Variants in GPHN observed in about 807,000 individuals in gnomAD.
GPHN encodes the protein gephyrin.
GPHN carries 17 observed loss-of-function variants against 95.5 expected under a neutral mutation model. The ratio of observed to expected loss-of-function variants is 0.18; its 90% CI spans 0.12 to 0.27. GPHN has a LOEUF of 0.27. Among genes scored for constraint, GPHN ranks in the 10% least tolerant of loss-of-function variants. The probability of loss-of-function intolerance (pLI) is 1.00; values close to 1 mark genes in which losing one functional copy is unlikely to be tolerated. For missense variants in GPHN, 660 were observed against 978.1 expected, an observed-to-expected ratio of 0.67 and a Z score of 4.34; for synonymous variants, 320 against 322.5, an observed-to-expected ratio of 0.99 and a Z score of 0.08.
chr14:66,591,795 GA>G (rs1162422650), intron 1 of GPHN, among the ~76,000 whole-genome samples: 2 of 152,098 alleles, frequency 1.3e-5, no homozygotes, highest in South Asian at 2.1e-4. Context: ...CACAGAATTA[GA>G]AAAAACTACT....
the GPHN span, chr14:67,301,294 A>AT: frequency 8.7e-6 from 5 of 576,530 alleles, no homozygotes; most frequent in Non-Finnish European, 1.5e-5. Flanking sequence ...TATTTTTATT[A>AT]TTTTAATTTG....
At chr14:67,509,245 T>C in the GPHN span, among the ~76,000 whole-genome samples, 3 of 152,330 alleles carry the variant, frequency 2.0e-5, no homozygotes, top group East Asian at 1.9e-4. Context: ...TGAACATTCA[T>C]TGAGATGATG....
chr14:67,041,315 C>T (rs1416482115), intron 10 of GPHN, among the ~76,000 whole-genome samples: 1 of 151,728 alleles, frequency 6.6e-6, no homozygotes, highest in Non-Finnish European at 1.5e-5. Context: ...TTTGCTGCAC[C>T]CATTAACCCA....
chr14:67,548,805 G>A, the GPHN span, among the ~76,000 whole-genome samples: 1 of 152,220 alleles, frequency 6.6e-6, no homozygotes, highest in Non-Finnish European at 1.5e-5. Context: ...GCAACCATGT[G>A]TACTTTCGCT....
chr14:67,146,642 A>G (rs1442055590), intron 18 of GPHN, among the ~76,000 whole-genome samples: 1 of 152,218 alleles, frequency 6.6e-6, no homozygotes, highest in Non-Finnish European at 1.5e-5. Flanking sequence ...GGCTGGTTTC[A>G]TGAGGTTTGC....
intron 2 of GPHN, among the ~76,000 whole-genome samples, chr14:66,767,215 CTTAG>C (rs764352887): frequency 7.2e-5 from 11 of 152,012 alleles, no homozygotes; most frequent in Admixed American, 2.0e-4. Context: ...CTATAATTCC[CTTAG>C]TTAGTCCCCT....
At chr14:67,235,357 G>C in the GPHN span, among the ~76,000 whole-genome samples, 2 of 151,996 alleles carry the variant, frequency 1.3e-5, no homozygotes, top group African/African-American at 4.8e-5. Flanking sequence ...TAACATTTGG[G>C]CTTGATCTTT....
chr14:67,272,723 A>G, the GPHN span, among the ~76,000 whole-genome samples: 1 of 152,116 alleles, frequency 6.6e-6, no homozygotes, highest in African/African-American at 2.4e-5. Flanking sequence ...CAGTGGCACG[A>G]TCTTGGCTCA....
intron 3 of GPHN, among the ~76,000 whole-genome samples, chr14:66,803,198 A>G (rs959293050): frequency 1.3e-5 from 2 of 152,200 alleles, no homozygotes; most frequent in South Asian, 2.1e-4. Flanking sequence ...GCTTTCTGCT[A>G]TAACAAGGGC....
intron 8 of GPHN, among the ~76,000 whole-genome samples, chr14:66,961,945 T>TATATATATATATATATATAC (rs1555452362): frequency 1.3e-5 from 1 of 79,090 alleles, no homozygotes. Flanking sequence ...TATATATATA[T>TATATATATATATATATATAC]ATACACATAT....
At chr14:67,711,192 A>C in the GPHN span, among the ~76,000 whole-genome samples, 2 of 152,328 alleles carry the variant, frequency 1.3e-5, no homozygotes, top group Non-Finnish European at 1.5e-5. Flanking sequence ...AGGTTTAGCT[A>C]TTTTTATTAA....
At chr14:66,700,740 T>A (rs1296771362) in intron 2 of GPHN, among the ~76,000 whole-genome samples, 3 of 152,002 alleles carry the variant, frequency 2.0e-5, no homozygotes, top group Non-Finnish European at 4.4e-5. Context: ...CTGGCCAACA[T>A]GGTGAAACCC....
chr14:67,172,740 C>A (rs1208577280), intron 21 of GPHN, among the ~76,000 whole-genome samples: 1 of 152,116 alleles, frequency 6.6e-6, no homozygotes, highest in African/African-American at 2.4e-5. Flanking sequence ...GCAGTCATTG[C>A]TATGCTATTT....
the GPHN span, chr14:67,677,374 T>TTG: frequency 7.1e-6 from 1 of 140,224 alleles, no homozygotes; most frequent in Non-Finnish European, 1.5e-5. Context: ...TTTTTTTTTT[T>TTG]TTTTTTTTTT....
intron 11 of GPHN, among the ~76,000 whole-genome samples, chr14:67,061,349 T>C (rs1594983469): frequency 6.6e-6 from 1 of 152,144 alleles, no homozygotes; most frequent in African/African-American, 2.4e-5. Context: ...TTTAGGTCTT[T>C]ATTATTAACT....
At chr14:67,101,005 TAGAG>T (rs902508730) in intron 13 of GPHN, 94 bp downstream of exon 13, 10 of 770,810 alleles carry the variant, frequency 1.3e-5, no homozygotes, top group Admixed American at 1.9e-5. Context: ...TAGTGGAAAT[TAGAG>T]AGAGATTAGT....
chr14:67,274,031 C>T, the GPHN span, among the ~76,000 whole-genome samples: 1 of 152,170 alleles, frequency 6.6e-6, no homozygotes, highest in Non-Finnish European at 1.5e-5. Flanking sequence ...AGCCCTTTGT[C>T]AGATGGGTAG....
chr14:67,618,425 A>G, the GPHN span, among the ~76,000 whole-genome samples: 3,489 of 152,142 alleles, frequency 0.023, 130 homozygotes, highest in African/African-American at 0.08. Context: ...TCAGGCTGAG[A>G]TGCAGTGGTG....
At chr14:66,613,517 C>G (rs763935945) in intron 1 of GPHN, among the ~76,000 whole-genome samples, 10 of 152,104 alleles carry the variant, frequency 6.6e-5, no homozygotes, top group Non-Finnish European at 1.5e-4. Flanking sequence ...TGTTCCACAT[C>G]AGCTGAGAAT....
Sources: allele counts gnomAD v4.1 joint callset (sites outside exome capture counted in the v4.1 genomes callset), GRCh38; gene constraint gnomAD v4.1.1; transcripts MANE v1.5; gene names NCBI Gene and HGNC (gene_info 2026-07-23, HGNC 2026-07-21).